IFT80: variants seen among roughly 807,000 people sequenced by gnomAD.
The protein encoded by IFT80 is intraflagellar transport protein 80 homolog.
IFT80 carries 79 observed loss-of-function variants against 107.9 expected under a neutral mutation model. That is an observed-to-expected ratio of 0.73 (90% CI 0.61 to 0.88). The LOEUF is 0.88. Ranked by LOEUF, IFT80 falls within the 40% of genes least tolerant of loss-of-function variation. The pLI is 0.00. For missense variants in IFT80, 797 were observed against 914.2 expected (o/e 0.87, Z 1.65); for synonymous variants, 299 against 300.9 (o/e 0.99, Z 0.07).
intron 12 of IFT80, among the ~76,000 whole-genome samples, chr3:160,293,545 A>T (rs544262807): frequency 6.6e-6 from 1 of 152,290 alleles, no homozygotes; most frequent in East Asian, 1.9e-4. Context: ...GCCATATGGG[A>T]TCCATGGTCA....
intron 8 of IFT80, among the ~76,000 whole-genome samples, chr3:160,341,016 CT>C (rs11373101): frequency 8.7e-5 from 13 of 149,482 alleles, no homozygotes; most frequent in Non-Finnish European, 1.6e-4. Context: ...TTTTTACTAC[CT>C]TTTTTTTTTG....
chr3:160,310,043 A>G (rs900611893), intron 9 of IFT80, among the ~76,000 whole-genome samples: 25 of 151,600 alleles, frequency 1.6e-4, no homozygotes, highest in African/African-American at 5.8e-4. Flanking sequence ...AGTAAAAACG[A>G]AAAAAAAATT....
chr3:160,322,022 ATTTAT>A (rs1429877198), intron 8 of IFT80, among the ~76,000 whole-genome samples: 1 of 147,524 alleles, frequency 6.8e-6, no homozygotes, highest in Non-Finnish European at 1.5e-5. Flanking sequence ...TTATTTATTT[ATTTAT>A]TTATTTATTT....
intron 9 of IFT80, among the ~76,000 whole-genome samples, chr3:160,312,377 G>C (rs1410034421): frequency 1.3e-5 from 2 of 150,658 alleles, no homozygotes; most frequent in Non-Finnish European, 2.9e-5. Flanking sequence ...ATTTCAAACA[G>C]ACACTTGGAT....
Position 160,386,490 on chromosome 3 carries a change from T to C in IFT80, c.-46-1844A>G, listed in dbSNP as rs533733480. On this transcript the variant is annotated intron_variant, in intron 1 of 19. Transcript: ENST00000326448. ...GTATAGGTAACTTTGCAACTTTACA[T>C]AGGGAGCAAGTAGCAGCAACCATGT... 3.0e-3 allele frequency among the ~76,000 whole-genome samples: 458 copies of C among 152,262 alleles called. 2 individuals are homozygous for C. Among genetic ancestry groups the C allele is most frequent in the African/African-American group, 0.011 (440 of 41,548 alleles).
intron 12 of IFT80, among the ~76,000 whole-genome samples, chr3:160,299,786 A>C (rs1471738911): frequency 6.6e-6 from 1 of 152,156 alleles, no homozygotes; most frequent in African/African-American, 2.4e-5. Flanking sequence ...CTGTCTAAGA[A>C]AGATTTAAAC....
intron 5 of IFT80, among the ~76,000 whole-genome samples, chr3:160,371,849 C>G (rs1447906945): frequency 6.6e-6 from 1 of 152,018 alleles, no homozygotes; most frequent in Non-Finnish European, 1.5e-5. Flanking sequence ...GGAAAATGTC[C>G]TTAAAGGTTT....
At chr3:160,332,184 G>A (rs1719136105) in intron 8 of IFT80, among the ~76,000 whole-genome samples, 1 of 152,148 alleles carries the variant, frequency 6.6e-6, no homozygotes, top group Admixed American at 6.6e-5. Context: ...AATTTGTTAA[G>A]TGAGGTATTT....
chr3:160,282,004 C>A (rs533809825), intron 14 of IFT80, among the ~76,000 whole-genome samples: 5 of 152,168 alleles, frequency 3.3e-5, no homozygotes, highest in Non-Finnish European at 5.9e-5. Context: ...TAGGCCAGGC[C>A]CAGTGGCTTA....
At chr3:160,348,193 G>T (rs1720435318) in intron 8 of IFT80, among the ~76,000 whole-genome samples, 1 of 151,712 alleles carries the variant, frequency 6.6e-6, no homozygotes, top group African/African-American at 2.4e-5. Flanking sequence ...ATTTACATTT[G>T]TCTATGAACT....
intron 5 of IFT80, among the ~76,000 whole-genome samples, chr3:160,375,166 T>A (rs574772114): frequency 6.6e-6 from 1 of 152,296 alleles, no homozygotes; most frequent in South Asian, 2.1e-4. Flanking sequence ...CAGGTAAACA[T>A]TAAAACTGCT....
intron 6 of IFT80, among the ~76,000 whole-genome samples, chr3:160,358,154 C>T (rs1017596833): frequency 6.6e-6 from 1 of 151,702 alleles, no homozygotes; most frequent in East Asian, 1.9e-4. Flanking sequence ...ACTACAGGGA[C>T]ATGCCACCAC....
chr3:160,263,007 T>C (rs1207746469), intron 19 of IFT80, among the ~76,000 whole-genome samples: 1 of 152,224 alleles, frequency 6.6e-6, no homozygotes, highest in East Asian at 1.9e-4. Context: ...ATATTTCTAA[T>C]TGCCTGCTAG....
intron 19 of IFT80, among the ~76,000 whole-genome samples, chr3:160,262,918 T>C (rs1292457722): frequency 6.6e-6 from 1 of 152,190 alleles, no homozygotes; most frequent in Admixed American, 6.5e-5. Context: ...GCTTCAACTA[T>C]ACCTAGATGG....
At chr3:160,262,079 C>T (rs1712889643) in intron 19 of IFT80, among the ~76,000 whole-genome samples, 1 of 151,994 alleles carries the variant, frequency 6.6e-6, no homozygotes, top group Admixed American at 6.6e-5. Context: ...AATATAATTT[C>T]TCCTCAACGC....
At chr3:160,349,010 C>A (rs75301627) in intron 8 of IFT80, among the ~76,000 whole-genome samples, 2 of 152,052 alleles carry the variant, frequency 1.3e-5, no homozygotes, top group South Asian at 4.1e-4. Flanking sequence ...AGTTTTGTAA[C>A]GGTTGCACAA....
At chr3:160,297,327 TAATA>T (rs1404353658) in intron 12 of IFT80, among the ~76,000 whole-genome samples, 13 of 152,118 alleles carry the variant, frequency 8.5e-5, no homozygotes, top group South Asian at 2.1e-4. Flanking sequence ...AGCCCAAGAT[TAATA>T]AATAGAGTAA....
chr3:160,304,931 T>TG (rs921523092), intron 10 of IFT80, among the ~76,000 whole-genome samples: 1 of 152,162 alleles, frequency 6.6e-6, no homozygotes, highest in Non-Finnish European at 1.5e-5. Flanking sequence ...TGGGTTGAAA[T>TG]GAAAAGATTT....
intron 18 of IFT80, among the ~76,000 whole-genome samples, chr3:160,275,470 A>C (rs1714187937): frequency 6.6e-6 from 1 of 152,124 alleles, no homozygotes; most frequent in Admixed American, 6.5e-5. Flanking sequence ...CCCCTTATGG[A>C]TTATATGCTT....
Sources: gnomAD v4.1 joint callset for allele counts (sites outside exome capture counted in the v4.1 genomes callset) on GRCh38, gnomAD v4.1.1 for gene constraint, MANE v1.5 for transcripts, NCBI Gene and HGNC (gene_info 2026-07-23, HGNC 2026-07-21) for gene names.